AGBL1: variants seen among roughly 807,000 people sequenced by gnomAD.
The protein encoded by AGBL1 is cytosolic carboxypeptidase 4.
A neutral mutation model predicts 118.9 loss-of-function variants in AGBL1; 130 were observed. The observed-to-expected ratio is 1.09, with a 90% CI of 0.95 to 1.26. The LOEUF is 1.26. Ranked by LOEUF, AGBL1 falls within the 50% of genes most tolerant of loss-of-function variation. AGBL1 has a pLI of 0.00. For synonymous variants in AGBL1, 555 were observed against 478.9 expected (o/e 1.16, Z -2.08); for missense variants, 1,584 against 1,298.1 (o/e 1.22, Z -3.38).
At chr15:86,508,677 A>G (rs2083014064) in intron 18 of AGBL1, among the ~76,000 whole-genome samples, 1 of 152,148 alleles carries the variant, frequency 6.6e-6, no homozygotes, top group Non-Finnish European at 1.5e-5. Flanking sequence ...TTAGTCTCTA[A>G]GATTATATAT....
chr15:86,813,072 T>C (rs1312895087), intron 22 of AGBL1, among the ~76,000 whole-genome samples: 2 of 151,718 alleles, frequency 1.3e-5, no homozygotes, highest in African/African-American at 4.8e-5. Flanking sequence ...CAGGTAGCTG[T>C]TGGGAGATGA....
At chr15:86,987,100 T>C (rs750723037) in intron 23 of AGBL1, among the ~76,000 whole-genome samples, 20 of 152,212 alleles carry the variant, frequency 1.3e-4, no homozygotes, top group African/African-American at 4.1e-4. Context: ...GGACCGGCCA[T>C]TTTCACTTCT....
intron 21 of AGBL1, among the ~76,000 whole-genome samples, chr15:86,592,306 C>T (rs1458603525): frequency 2.6e-5 from 4 of 152,142 alleles, no homozygotes; most frequent in South Asian, 2.1e-4. Flanking sequence ...CAGAAAAAAA[C>T]GAATTCAGCC....
rs576993794 is a variant in AGBL1, at chr15:86,669,324, G to C, written c.2995-4949G>C. Among the ~76,000 whole-genome samples, 2 of 151,660 alleles carry C rather than the reference G, an allele frequency of 1.3e-5. 1 individual carries two copies. The highest frequency in any genetic ancestry group is 2.9e-5 in the Non-Finnish European group (2 of 67,904). ...AGTAGATTCAATCTAGTTGAAGAAAGAATTATTAATATGGAACAAAAATAT... is the reference window on the plus strand; with the variant it reads ...AGTAGATTCAATCTAGTTGAAGAAACAATTATTAATATGGAACAAAAATAT... On this transcript the variant is annotated intron_variant, in intron 21 of 22. Coordinates refer to ENST00000614907, the MANE Select transcript of AGBL1 (RefSeq NM_001386094.1).
intron 19 of AGBL1, among the ~76,000 whole-genome samples, chr15:86,529,369 T>C (rs1270960597): frequency 3.0e-5 from 4 of 133,918 alleles, no homozygotes; most frequent in Non-Finnish European, 6.0e-5. Flanking sequence ...CGATGGAAGA[T>C]GAAATGAATG....
At chr15:86,877,809 A>G (rs2079832524) in intron 22 of AGBL1, among the ~76,000 whole-genome samples, 2 of 152,190 alleles carry the variant, frequency 1.3e-5, no homozygotes, top group Admixed American at 1.3e-4. Flanking sequence ...TTTTTTTCCA[A>G]GATACCGTGA....
chr15:86,532,074 G>A lies in AGBL1; in HGVS notation c.2685+9135G>A, dbSNP rs1457998568. On this transcript the variant is annotated intron_variant, in intron 19 of 22. Transcript: ENST00000614907. ...CAAGACAGGGATGCCCTCTCTCACC[G>A]CTCCTATTCAACATAGTGTTGGAAG... Among the ~76,000 whole-genome samples, 96 of 150,996 alleles carry A rather than the reference G, an allele frequency of 6.4e-4. No homozygotes were observed. The Middle Eastern group carries it at 0.011, about 17-fold the overall frequency.
intron 22 of AGBL1, among the ~76,000 whole-genome samples, chr15:86,821,688 A>G (rs1002534823): frequency 6.6e-6 from 1 of 152,182 alleles, no homozygotes; most frequent in Non-Finnish European, 1.5e-5. Flanking sequence ...GATAATAGTA[A>G]TAGTTGTCAT....
intron 23 of AGBL1, among the ~76,000 whole-genome samples, chr15:86,922,567 C>A (rs1384986223): frequency 1.3e-5 from 2 of 152,196 alleles, no homozygotes; most frequent in Non-Finnish European, 2.9e-5. Flanking sequence ...GTTGGAATTA[C>A]AGGGTGAGCC....
At chr15:86,716,335 G>A (rs1193779837) in intron 22 of AGBL1, among the ~76,000 whole-genome samples, 3 of 152,016 alleles carry the variant, frequency 2.0e-5, no homozygotes, top group Non-Finnish European at 2.9e-5. Context: ...AAATCTGAAA[G>A]GCTCGGAAGT....
At chr15:86,581,721 C>T (rs1467007553) in intron 21 of AGBL1, among the ~76,000 whole-genome samples, 4 of 152,028 alleles carry the variant, frequency 2.6e-5, no homozygotes, top group Non-Finnish European at 5.9e-5. Context: ...TTCCTCTCCC[C>T]CAAATCTCTC....
intron 22 of AGBL1, among the ~76,000 whole-genome samples, chr15:86,733,573 C>A (rs955125480): frequency 3.3e-5 from 5 of 152,160 alleles, no homozygotes; most frequent in African/African-American, 1.2e-4. Context: ...ATAATATAAG[C>A]ATTAACTACT....
At chr15:86,320,866 T>C (rs748700861) in intron 17 of AGBL1, among the ~76,000 whole-genome samples, 28 of 152,272 alleles carry the variant, frequency 1.8e-4, no homozygotes, top group Admixed American at 8.5e-4. Context: ...TATCAGATAG[T>C]TTTTCTCCTT....
intron 5 of AGBL1, among the ~76,000 whole-genome samples, chr15:86,162,709 C>T (rs2077284296): frequency 6.6e-6 from 1 of 152,236 alleles, no homozygotes; most frequent in Admixed American, 6.5e-5. Context: ...GTTGGTCTCA[C>T]TTCACTTCAA....
At chr15:86,261,887 A>G (rs1444644630) in intron 9 of AGBL1, among the ~76,000 whole-genome samples, 1 of 152,086 alleles carries the variant, frequency 6.6e-6, no homozygotes, top group Non-Finnish European at 1.5e-5. Context: ...AGGGATAAAG[A>G]TGTAGTAGGA....
chr15:86,797,183 C>T (rs997138059), intron 22 of AGBL1, among the ~76,000 whole-genome samples: 1 of 152,250 alleles, frequency 6.6e-6, no homozygotes, highest in Admixed American at 6.5e-5. Flanking sequence ...GTAGTATTCA[C>T]TCCGTGATAT....
intron 5 of AGBL1, among the ~76,000 whole-genome samples, chr15:86,185,408 A>C (rs1405291799): frequency 2.6e-5 from 4 of 152,222 alleles, no homozygotes; most frequent in African/African-American, 7.2e-5. Context: ...ATTACTGGAT[A>C]TATACCCAAA....
At chr15:86,487,381 C>T (rs1203684866) in intron 18 of AGBL1, among the ~76,000 whole-genome samples, 3 of 152,110 alleles carry the variant, frequency 2.0e-5, no homozygotes, top group African/African-American at 7.2e-5. Context: ...GTGCTGTGGA[C>T]TCCTTGCCAA....
At chr15:86,269,829 C>T (rs777414071) in intron 13 of AGBL1, 90 bp from the exon 14 acceptor site, 1 of 1,438,062 alleles carries the variant, frequency 7.0e-7, no homozygotes, top group Non-Finnish European at 9.4e-7. Context: ...AGATCTGTAA[C>T]CCAGAAACTG....
Sources: gnomAD v4.1 joint callset for allele counts (sites outside exome capture counted in the v4.1 genomes callset) on GRCh38, gnomAD v4.1.1 for gene constraint, MANE v1.5 for transcripts, NCBI Gene and HGNC (gene_info 2026-07-23, HGNC 2026-07-21) for gene names.